Variants in UNC5C observed in about 807,000 individuals in gnomAD.
UNC5C encodes unc-5 netrin receptor C, also known as netrin receptor UNC5C.
Under a neutral mutation model 99.8 loss-of-function variants are expected in UNC5C, and 47 were observed. The ratio of observed to expected loss-of-function variants is 0.47; its 90% CI spans 0.37 to 0.60. The LOEUF is 0.60. Ranked by LOEUF, UNC5C falls within the 20% of genes least tolerant of loss-of-function variation. The pLI, the probability that UNC5C is intolerant of heterozygous loss-of-function variation, is 0.00. For synonymous variants in UNC5C, 487 were observed against 452.2 expected, an observed-to-expected ratio of 1.08 and a Z score of -0.98; for missense variants, 1,062 against 1,165.9, an observed-to-expected ratio of 0.91 and a Z score of 1.30.
intron 5 of UNC5C, chr4:95,248,224 G>C: frequency 8.6e-6 from 2 of 233,180 alleles, no homozygotes; most frequent in South Asian, 9.9e-5. Flanking sequence ...TTTTTTTTTG[G>C]CTGGGCCTAA....
intron 1 of UNC5C, among the ~76,000 whole-genome samples, chr4:95,494,201 C>T (rs1433718900): frequency 6.6e-6 from 1 of 151,414 alleles, no homozygotes; most frequent in African/African-American, 2.4e-5. Flanking sequence ...AAGAGTGGTG[C>T]TATTTGGCAA....
intron 1 of UNC5C, among the ~76,000 whole-genome samples, chr4:95,528,106 A>AAT (rs1333550854): frequency 6.6e-6 from 1 of 152,188 alleles, no homozygotes; most frequent in African/African-American, 2.4e-5. Context: ...ATTTAAAATT[A>AAT]ATATATATCT....
At chr4:95,408,538 A>T (rs1188881142) in intron 1 of UNC5C, among the ~76,000 whole-genome samples, 1 of 152,140 alleles carries the variant, frequency 6.6e-6, no homozygotes, top group African/African-American at 2.4e-5. Flanking sequence ...TCCTCTCTCA[A>T]TAGTAAAGCA....
chr4:95,462,181 CT>C (rs1747623363), intron 1 of UNC5C, among the ~76,000 whole-genome samples: 1 of 152,110 alleles, frequency 6.6e-6, no homozygotes, highest in Non-Finnish European at 1.5e-5. Flanking sequence ...CTTTCCCCCC[CT>C]TTCTCTTTCT....
chr4:95,504,559 T>C (rs1721862463), intron 1 of UNC5C, among the ~76,000 whole-genome samples: 1 of 152,030 alleles, frequency 6.6e-6, no homozygotes, highest in African/African-American at 2.4e-5. Context: ...ATTCAGGGGG[T>C]ATTTCATTAC....
intron 1 of UNC5C, among the ~76,000 whole-genome samples, chr4:95,379,493 C>A (rs550819797): frequency 3.1e-4 from 47 of 152,286 alleles, no homozygotes; most frequent in Non-Finnish European, 5.6e-4. Flanking sequence ...CCCATTTCTA[C>A]CATTTTTCAT....
intron 1 of UNC5C, among the ~76,000 whole-genome samples, chr4:95,458,163 C>T (rs1356813393): frequency 6.6e-6 from 1 of 152,006 alleles, no homozygotes; most frequent in East Asian, 1.9e-4. Context: ...AATATAGGGC[C>T]AGAATATTTT....
chr4:95,532,044 T>C (rs1722659612), intron 1 of UNC5C, among the ~76,000 whole-genome samples: 1 of 152,228 alleles, frequency 6.6e-6, no homozygotes, highest in Admixed American at 6.5e-5. Flanking sequence ...TTTAGGTAAA[T>C]TGACCAAATC....
At chr4:95,280,506 T>C (rs1461299115) in intron 3 of UNC5C, among the ~76,000 whole-genome samples, 2 of 152,102 alleles carry the variant, frequency 1.3e-5, no homozygotes, top group Admixed American at 6.5e-5. Flanking sequence ...CTGGCCAACA[T>C]GGTGAAACCC....
chr4:95,179,106 C>CAT (rs1001305509), intron 14 of UNC5C, among the ~76,000 whole-genome samples: 2 of 152,082 alleles, frequency 1.3e-5, no homozygotes, highest in African/African-American at 4.8e-5. Context: ...CTTATGTAAA[C>CAT]ATATGATTTT....
intron 2 of UNC5C, among the ~76,000 whole-genome samples, chr4:95,306,927 T>A (rs114082243): frequency 0.035 from 5,283 of 152,292 alleles, 123 homozygotes; most frequent in South Asian, 0.052. Context: ...ATCTTTTGGT[T>A]CTTTCTTCCA....
At chr4:95,361,837 C>A (rs116371773) in intron 1 of UNC5C, among the ~76,000 whole-genome samples, 1 of 152,024 alleles carries the variant, frequency 6.6e-6, no homozygotes, top group Admixed American at 6.6e-5. Context: ...CATACTGAAC[C>A]AAAGGCTCAA....
chr4:95,307,596 G>C (rs1422406969), intron 2 of UNC5C, among the ~76,000 whole-genome samples: 1 of 152,114 alleles, frequency 6.6e-6, no homozygotes, highest in Admixed American at 6.5e-5. Flanking sequence ...TTAAAGAAAA[G>C]AGACTACTTC....
intron 1 of UNC5C, among the ~76,000 whole-genome samples, chr4:95,499,311 C>A (rs964854015): frequency 3.3e-5 from 5 of 152,092 alleles, no homozygotes; most frequent in Non-Finnish European, 5.9e-5. Context: ...CAATAAACCA[C>A]TCAGCCCCTG....
intron 2 of UNC5C, among the ~76,000 whole-genome samples, chr4:95,326,494 T>G (rs544532038): frequency 1.3e-5 from 2 of 152,316 alleles, no homozygotes; most frequent in South Asian, 2.1e-4. Context: ...GATCATGATT[T>G]CTATGGAATT....
At chr4:95,441,353 C>T (rs937569207) in intron 1 of UNC5C, among the ~76,000 whole-genome samples, 2 of 152,278 alleles carry the variant, frequency 1.3e-5, no homozygotes, top group African/African-American at 2.4e-5. Flanking sequence ...ATGCATTATG[C>T]TCTTTGCGTA....
chr4:95,467,456 C>T (rs1204113253), intron 1 of UNC5C, among the ~76,000 whole-genome samples: 1 of 152,128 alleles, frequency 6.6e-6, no homozygotes, highest in Admixed American at 6.6e-5. Flanking sequence ...ACAACCCTTG[C>T]AGCATGCATA....
Position 95,170,225 on chromosome 4 carries a change from A to G in UNC5C, c.2559T>C (p.Cys853=). The change falls in exon 15 of 16, where the codon TGT becomes TGC. Residue 853 remains cysteine (C), a synonymous_variant. Transcript: ENST00000453304. ...SIPLPIRQKL[C]SSLDAPQTRG... ...TCGTCTGGGGGGCATCCAGGCTGCT[A>G]CAGAGCTTCTGCCGGATAGGGAGAG... The G allele has an allele frequency of 6.2e-7, 1 of 1,614,100 alleles. No homozygotes were observed. The highest frequency in any genetic ancestry group is 1.7e-4 in the Middle Eastern group (1 of 6,060).
chr4:95,409,225 A>G (rs990402011), intron 1 of UNC5C, among the ~76,000 whole-genome samples: 3 of 152,194 alleles, frequency 2.0e-5, no homozygotes, highest in African/African-American at 7.2e-5. Flanking sequence ...AATGACAAAA[A>G]AGACTCAAAG....
Sources: gnomAD v4.1 joint callset for allele counts (sites outside exome capture counted in the v4.1 genomes callset) on GRCh38, gnomAD v4.1.1 for gene constraint, MANE v1.5 for transcripts, NCBI Gene and HGNC (gene_info 2026-07-23, HGNC 2026-07-21) for gene names.